CACNB2: variants seen among roughly 807,000 people sequenced by gnomAD.
The protein encoded by CACNB2 is voltage-dependent L-type calcium channel subunit beta-2.
A neutral mutation model predicts 73.3 loss-of-function variants in CACNB2; 42 were observed. The ratio of observed to expected loss-of-function variants is 0.57; its 90% confidence interval spans 0.45 to 0.74. The LOEUF (loss-of-function observed/expected upper bound fraction) is 0.74, where lower values mean the gene tolerates loss of function less well. Ranked by LOEUF, CACNB2 falls within the 30% of genes least tolerant of loss-of-function variation. CACNB2 has a pLI of 0.00. For synonymous variants in CACNB2, 348 were observed against 310.3 expected (o/e 1.12, Z -1.28); for missense variants, 940 against 853.0 (o/e 1.10, Z -1.27).
At chr10:18,283,500 A>G (rs2038648149) in intron 2 of CACNB2, among the ~76,000 whole-genome samples, 1 of 152,126 alleles carries the variant, frequency 6.6e-6, no homozygotes, top group South Asian at 2.1e-4. Context: ...ATAAAAAAGG[A>G]TGAGTTCATG....
chr10:18,327,962 C>T (rs147527907), intron 2 of CACNB2, among the ~76,000 whole-genome samples: 1 of 152,218 alleles, frequency 6.6e-6, no homozygotes, highest in East Asian at 1.9e-4. Context: ...GAAGACATAT[C>T]AGAAGTGTCA....
intron 5 of CACNB2, among the ~76,000 whole-genome samples, chr10:18,504,641 G>A (rs1295085630): frequency 1.3e-5 from 2 of 150,798 alleles, no homozygotes; most frequent in Admixed American, 6.6e-5. Context: ...CTCTCCTTTT[G>A]TGTGTGTGTG....
intron 2 of CACNB2, chr10:18,234,103 G>A (rs1319912869): frequency 6.6e-6 from 1 of 152,244 alleles, no homozygotes; most frequent in African/African-American, 2.4e-5. Context: ...CCTGGCGTTA[G>A]AGGCTGGTTC....
rs1236163421 is a variant in CACNB2 at position 18,174,292 on chromosome 10, TTTCC to T, written c.213+23330_213+23333del. The stretch of plus-strand genomic sequence containing the variant: ...CCTCTCCCTCTCTCTCTTTCTCTCT[TTTCC>T]TTCCTTCCTTCCCTCCCTCCCTCCC... On this transcript the variant is annotated intron_variant, in intron 2 of 13. Coordinates refer to ENST00000324631, the MANE Select transcript of CACNB2 (RefSeq NM_201596.3). 5.2e-5 allele frequency among the ~76,000 whole-genome samples: 7 copies of T among 135,594 alleles called. No homozygotes were observed. In the East Asian group the frequency reaches 1.2e-3, roughly 23 times the overall value. 89.0% of individuals were successfully genotyped at this position (135,594 alleles called of 152,430 possible). A position where few individuals can be genotyped will look rare whatever the true frequency, so the allele number is the denominator to read the frequency against.
At chr10:18,368,255 T>C (rs2042436560) in intron 2 of CACNB2, among the ~76,000 whole-genome samples, 1 of 152,206 alleles carries the variant, frequency 6.6e-6, no homozygotes, top group Non-Finnish European at 1.5e-5. Flanking sequence ...AATATGGGCA[T>C]TATTTTTCCA....
At chr10:18,293,453 A>G (rs1488607377) in intron 2 of CACNB2, among the ~76,000 whole-genome samples, 2 of 152,214 alleles carry the variant, frequency 1.3e-5, no homozygotes, top group African/African-American at 2.4e-5. Context: ...CCCCTCCTTC[A>G]TCTGATTAAT....
chr10:18,191,925 A>T (rs924336526), intron 2 of CACNB2, among the ~76,000 whole-genome samples: 27 of 152,106 alleles, frequency 1.8e-4, no homozygotes, highest in Non-Finnish European at 3.1e-4. Flanking sequence ...TTTTTAATAT[A>T]ATGTCTTCTT....
At chr10:18,536,309 A>T in intron 12 of CACNB2, 113 bp downstream of exon 12, 1 of 609,360 alleles carries the variant, frequency 1.6e-6, no homozygotes, top group Non-Finnish European at 2.7e-6. Context: ...CCATGTTGGG[A>T]GTGCAGTGGT....
intron 5 of CACNB2, among the ~76,000 whole-genome samples, chr10:18,505,871 G>A (rs988881740): frequency 1.1e-4 from 17 of 152,234 alleles, no homozygotes; most frequent in Middle Eastern, 3.4e-3. Flanking sequence ...CATTCTCCAC[G>A]TGAGTCACGC....
chr10:18,536,257 T>TTTTTC, intron 12 of CACNB2, 61 bp downstream of exon 12: 1 of 668,274 alleles, frequency 1.5e-6, no homozygotes, highest in South Asian at 1.7e-5. Context: ...TTTTTTTTTT[T>TTTTTC]TTTTTTTTTT....
At chr10:18,321,879 G>C (rs2040409716) in intron 2 of CACNB2, among the ~76,000 whole-genome samples, 1 of 152,156 alleles carries the variant, frequency 6.6e-6, no homozygotes, top group Admixed American at 6.6e-5. Context: ...TAAGCCAGGG[G>C]TGGTGGCTCA....
At chr10:18,405,723 C>T (rs1226166051) in intron 3 of CACNB2, among the ~76,000 whole-genome samples, 3 of 151,934 alleles carry the variant, frequency 2.0e-5, no homozygotes, top group African/African-American at 4.8e-5. Context: ...TTTGGGAGGC[C>T]GAGGCGGGTG....
intron 2 of CACNB2, among the ~76,000 whole-genome samples, chr10:18,328,746 C>T (rs2040681879): frequency 6.6e-6 from 1 of 152,202 alleles, no homozygotes; most frequent in Non-Finnish European, 1.5e-5. Context: ...ACTGCTCTTT[C>T]ATCAGGGGTT....
intron 1 of CACNB2, among the ~76,000 whole-genome samples, chr10:18,146,371 G>A (rs1229034254): frequency 6.7e-6 from 1 of 148,356 alleles, no homozygotes; most frequent in Non-Finnish European, 1.5e-5. Context: ...GTGCAGTGGT[G>A]CAATCTTGGC....
chr10:18,194,055 G>T (rs2034520138), intron 2 of CACNB2, among the ~76,000 whole-genome samples: 1 of 152,156 alleles, frequency 6.6e-6, no homozygotes, highest in Non-Finnish European at 1.5e-5. Flanking sequence ...GCTGTGGTGT[G>T]AGCACAGTCT....
intron 12 of CACNB2, among the ~76,000 whole-genome samples, chr10:18,537,563 G>C (rs1564672881): frequency 6.6e-6 from 1 of 151,878 alleles, no homozygotes; most frequent in Non-Finnish European, 1.5e-5. Context: ...AATCACTTGA[G>C]GCCAGGAGTT....
intron 2 of CACNB2, among the ~76,000 whole-genome samples, chr10:18,391,618 A>G (rs2043471370): frequency 1.3e-5 from 2 of 152,106 alleles, no homozygotes; most frequent in South Asian, 4.2e-4. Context: ...TAAGTAAATT[A>G]TATGTTAGAA....
intron 1 of CACNB2, among the ~76,000 whole-genome samples, chr10:18,142,079 G>T (rs1291197124): frequency 3.3e-5 from 5 of 152,188 alleles, no homozygotes; most frequent in East Asian, 1.9e-4. Context: ...TCTTGCTGTT[G>T]TTTTGATAGG....
At chr10:18,415,530 C>T (rs1292759197) in intron 3 of CACNB2, among the ~76,000 whole-genome samples, 1 of 151,504 alleles carries the variant, frequency 6.6e-6, no homozygotes, top group East Asian at 1.9e-4. Context: ...AATGGGTGGA[C>T]CCCAACACTG....
Sources: allele counts gnomAD v4.1 joint callset (sites outside exome capture counted in the v4.1 genomes callset), GRCh38; gene constraint gnomAD v4.1.1; transcripts MANE v1.5; gene names NCBI Gene and HGNC (gene_info 2026-07-23, HGNC 2026-07-21).